Variants in UBR1 observed in about 807,000 individuals in gnomAD.
UBR1 encodes ubiquitin protein ligase E3 component n-recognin 1, also known as E3 ubiquitin-protein ligase UBR1.
In UBR1, 102 loss-of-function variants were observed where a neutral mutation model predicts 242.1. That is an observed-to-expected ratio of 0.42 (90% CI 0.36 to 0.50). The LOEUF is 0.50. Ranked by LOEUF, UBR1 falls within the 20% of genes least tolerant of loss-of-function variation. The probability of loss-of-function intolerance (pLI) is 0.01; values close to 1 mark genes in which losing one functional copy is unlikely to be tolerated. For synonymous variants in UBR1, 675 were observed against 684.8 expected (o/e 0.99, Z 0.22); for missense variants, 1,772 against 2,101.8 (o/e 0.84, Z 3.07).
intron 37 of UBR1, 142 bp downstream of exon 37, chr15:42,983,755 T>C (rs950063504): frequency 8.0e-6 from 3 of 374,810 alleles, no homozygotes; most frequent in Non-Finnish European, 1.4e-5. Context: ...GCATGGCTTC[T>C]GTAGGTGGTA....
chr15:42,980,296 T>C (rs2032355542), intron 37 of UBR1, among the ~76,000 whole-genome samples: 1 of 152,240 alleles, frequency 6.6e-6, no homozygotes. Context: ...CATATTTTCA[T>C]TTTAACTATG....
intron 40 of UBR1, among the ~76,000 whole-genome samples, chr15:42,967,804 AG>A (rs976900277): frequency 8.6e-5 from 13 of 151,942 alleles, no homozygotes; most frequent in African/African-American, 2.9e-4. Context: ...TTAAAAAAAA[AG>A]AAAGACTGGT....
At chr15:43,035,804 A>C (rs1177999907) in intron 19 of UBR1, among the ~76,000 whole-genome samples, 6 of 151,500 alleles carry the variant, frequency 4.0e-5, no homozygotes, top group Non-Finnish European at 7.4e-5. Context: ...TGATTTTTGT[A>C]TAAGGTGTAA....
At chr15:43,060,417 T>C (rs2033669618) in intron 6 of UBR1, among the ~76,000 whole-genome samples, 1 of 152,182 alleles carries the variant, frequency 6.6e-6, no homozygotes, top group African/African-American at 2.4e-5. Flanking sequence ...AAACAATGAC[T>C]CAGGCTTTCT....
At position 43,056,364 on chromosome 15, in the gene UBR1, T is replaced by G; in HGVS notation, c.1261A>C (p.Met421Leu). ...CATACCAGAGTAGGAACAGTAAACA[T>G]CTGAACTGAAAGTGCAGTTATAGAG... ...SISITALSVQ[M>L]FTVPTLARHL... Residue 421 changes from methionine (M) to leucine (L), a missense_variant, in exon 11 of 47, where the codon ATG becomes CTG. Physicochemically the swap from Met to Leu is conservative, Grantham distance 15. Around this residue, in one of 3 missense-constraint regions of UBR1, gnomAD observed 734 missense variants for 893.3 expected, o/e 0.82. Transcript: ENST00000290650. 1 of 1,611,544 alleles carries G rather than the reference T, an allele frequency of 6.2e-7. No homozygotes were observed.
chr15:43,056,486 G>A lies in UBR1; in HGVS notation c.1183-44C>T, dbSNP rs751618719. 8.7e-6 allele frequency: 12 copies of A among 1,384,754 alleles called. No homozygotes were observed. The South Asian group carries it at 1.3e-4, about 15-fold the overall frequency. The allele number at this position is 1,384,754 out of a possible 1,614,324, so 85.8% of individuals were successfully genotyped here. A position where few individuals can be genotyped will look rare whatever the true frequency, so the allele number is the denominator to read the frequency against. On this transcript the variant is annotated intron_variant, in intron 10 of 46. Coordinates refer to ENST00000290650, the MANE Select transcript of UBR1 (RefSeq NM_174916.3). Reference sequence around the variant, plus strand: ...GAATCAATTATAAATCACTACTAAAGACCTTTAAAAAATCCCAATTTTAAT... The same window carrying A: ...GAATCAATTATAAATCACTACTAAAAACCTTTAAAAAATCCCAATTTTAAT...
intron 3 of UBR1, among the ~76,000 whole-genome samples, chr15:43,079,492 G>A (rs1054707760): frequency 6.6e-6 from 1 of 152,084 alleles, no homozygotes; most frequent in Non-Finnish European, 1.5e-5. Flanking sequence ...TAAAAGTCCT[G>A]AGGGTGGCCA....
chr15:43,055,814 C>T (rs2033611122), intron 11 of UBR1, among the ~76,000 whole-genome samples: 1 of 152,086 alleles, frequency 6.6e-6, no homozygotes, highest in Non-Finnish European at 1.5e-5. Flanking sequence ...ACTTGGGTGG[C>T]TGAGGCATGA....
chr15:43,097,361 A>G (rs905552481), intron 1 of UBR1, among the ~76,000 whole-genome samples: 1 of 152,160 alleles, frequency 6.6e-6, no homozygotes, highest in African/African-American at 2.4e-5. Context: ...ATAATTCTTA[A>G]GTATTCTTGG....
intron 6 of UBR1, among the ~76,000 whole-genome samples, chr15:43,062,306 C>T (rs923821644): frequency 1.3e-5 from 2 of 151,738 alleles, no homozygotes. Context: ...GTATACAGTA[C>T]AATACTGTAC....
At chr15:42,961,112 C>CTTTTT (rs1308464766) in intron 42 of UBR1, among the ~76,000 whole-genome samples, 1 of 141,264 alleles carries the variant, frequency 7.1e-6, no homozygotes, top group African/African-American at 2.6e-5. Context: ...TATGTTCCCC[C>CTTTTT]TTTTTTTTTT....
At chr15:43,085,212 C>T (rs1417227775) in intron 2 of UBR1, among the ~76,000 whole-genome samples, 7 of 152,176 alleles carry the variant, frequency 4.6e-5, no homozygotes, top group African/African-American at 7.2e-5. Context: ...AAATGACATG[C>T]GACTACAGGC....
In UBR1 at chr15:42,988,871, A is replaced by C; in HGVS notation, c.3945T>G (p.Pro1315=). The stretch of plus-strand genomic sequence containing the variant: ...TGCTCCAGGTCAGCATGGGGACTCG[A>C]GGATCCCTTTCATCAGGTGGCACTT... The part of the protein sequence containing the change: ...GLKVPPDERD[P]RVPMLTWSTC... Residue 1315 remains proline, a synonymous_variant, in exon 35 of 47, where the codon CCT becomes CCG. Coordinates refer to ENST00000290650, the MANE Select transcript of UBR1 (RefSeq NM_174916.3). 1 of 1,614,210 alleles carries C rather than the reference A, an allele frequency of 6.2e-7. No individual in the cohort carries two copies. The highest frequency in any genetic ancestry group is 8.5e-7 in the Non-Finnish European group (1 of 1,180,024).
intron 42 of UBR1, 49 bp downstream of exon 42, chr15:42,963,886 A>G: frequency 6.9e-7 from 1 of 1,442,762 alleles, no homozygotes; most frequent in South Asian, 1.2e-5. Context: ...TAATTTTAAA[A>G]TTTCAAATTG....
At chr15:43,056,617 AAAC>A in intron 10 of UBR1, among the ~76,000 whole-genome samples, 175 bp from the exon 11 acceptor site, 1 of 152,342 alleles carries the variant, frequency 6.6e-6, no homozygotes, top group South Asian at 2.1e-4. Flanking sequence ...GGAGAATAAC[AAAC>A]AACAAATCAA....
At chr15:43,013,716 T>C (rs913025669) in intron 29 of UBR1, among the ~76,000 whole-genome samples, 3 of 152,232 alleles carry the variant, frequency 2.0e-5, no homozygotes, top group Non-Finnish European at 4.4e-5. Context: ...TATAAAATTA[T>C]ATTCAATAAG....
intron 25 of UBR1, among the ~76,000 whole-genome samples, chr15:43,023,018 CA>C (rs968929888): frequency 2.7e-4 from 41 of 151,930 alleles, no homozygotes; most frequent in African/African-American, 9.7e-4. Flanking sequence ...TGCACACGAC[CA>C]CGCCCAGCTA....
At chr15:42,951,177 T>C (rs1226431108) in intron 45 of UBR1, among the ~76,000 whole-genome samples, 1 of 152,228 alleles carries the variant, frequency 6.6e-6, no homozygotes, top group Non-Finnish European at 1.5e-5. Context: ...TTGAATTTTA[T>C]TTCTCTGCAG....
At chr15:42,978,732 C>CTTT (rs530091685) in intron 37 of UBR1, among the ~76,000 whole-genome samples, 1 of 134,226 alleles carries the variant, frequency 7.5e-6, no homozygotes, top group Non-Finnish European at 1.6e-5. Context: ...CTTTTCTTTT[C>CTTT]TTTTTTTTTT....
Sources: gnomAD v4.1 joint callset for allele counts (sites outside exome capture counted in the v4.1 genomes callset) on GRCh38, gnomAD v4.1.1 for gene constraint, gnomAD v4.1.1 regional missense constraint, MANE v1.5 for transcripts, NCBI Gene and HGNC (gene_info 2026-07-23, HGNC 2026-07-21) for gene names.